Variants in NTSR1 observed in about 807,000 individuals in gnomAD.
NTSR1 encodes neurotensin receptor 1.
A neutral mutation model predicts 31.2 loss-of-function variants in NTSR1; 29 were observed. That is an observed-to-expected ratio of 0.93 (90% confidence interval 0.69 to 1.27). NTSR1 has a LOEUF of 1.27. Ranked by LOEUF, NTSR1 falls within the 50% of genes most tolerant of loss-of-function variation. The pLI is 0.00. For missense variants in NTSR1, 697 were observed against 595.4 expected, an observed-to-expected ratio of 1.17 and a Z score of -1.78; for synonymous variants, 282 against 269.9, an observed-to-expected ratio of 1.04 and a Z score of -0.44.
rs1989613565 is a variant in NTSR1, at chr20:62,761,042, G to C, written c.*775G>C. On this transcript the variant is annotated 3_prime_UTR_variant, in exon 4 of 4. Transcript: ENST00000370501. The stretch of plus-strand genomic sequence containing the variant: ...CTGCCAGGACACCACATGGGAGGGG[G>C]CTCAGGCCTCAGCCTCAAGATCTTC... 6.6e-6 allele frequency: 1 copy of C among 152,358 alleles called. No homozygotes were observed. Among genetic ancestry groups the C allele is most frequent in the Admixed American group, 6.5e-5 (1 of 15,292 alleles). 9.4% of individuals were successfully genotyped at this position (152,358 alleles called of 1,614,324 possible). A position where few individuals can be genotyped will look rare whatever the true frequency, so the allele number is the denominator to read the frequency against.
At position 62,744,900 on chromosome 20, in the gene NTSR1, G is replaced by A. The variant is rs140445667; in HGVS notation, c.715-9785G>A. Among the ~76,000 whole-genome samples, 1 of 152,312 alleles carries A rather than the reference G, an allele frequency of 6.6e-6. No individual in the cohort carries two copies. Among genetic ancestry groups the A allele is most frequent in the East Asian group, 1.9e-4 (1 of 5,188 alleles). On this transcript the variant is annotated intron_variant, in intron 1 of 3. Transcript: ENST00000370501. This position sits in a 1 kb window ranked among gnomAD's most constrained non-coding sequence, Gnocchi z 4.1. ...CAAACGCCATTCCCAGACCCAGACAGGGCTAGGAGGCAAGGGGTAGCAGCT... is the reference window on the plus strand; with the variant it reads ...CAAACGCCATTCCCAGACCCAGACAAGGCTAGGAGGCAAGGGGTAGCAGCT...
chr20:62,739,943 T>A (rs1233238434), intron 1 of NTSR1, among the ~76,000 whole-genome samples: 3 of 152,234 alleles, frequency 2.0e-5, no homozygotes, highest in South Asian at 2.1e-4. Context: ...GAAAGTTAAG[T>A]CGTGCTGGGA....
At chr20:62,712,994 G>A (rs960538412) in intron 1 of NTSR1, among the ~76,000 whole-genome samples, 13 of 152,180 alleles carry the variant, frequency 8.5e-5, no homozygotes, top group African/African-American at 2.9e-4. Flanking sequence ...ACAGTGGCAG[G>A]GGCCTGGGAC....
intron 1 of NTSR1, among the ~76,000 whole-genome samples, chr20:62,710,987 C>A (rs568800005): frequency 1.5e-4 from 23 of 152,202 alleles, no homozygotes; most frequent in Non-Finnish European, 2.6e-4. Context: ...ACACCAGCAT[C>A]GCCAGCCTCC....
chr20:62,744,587 A>AT lies in NTSR1; in HGVS notation c.715-10097dup, dbSNP rs1989264485. Among the ~76,000 whole-genome samples, 1 of 151,308 alleles carries AT rather than the reference A, an allele frequency of 6.6e-6. No individual in the cohort carries two copies. Among genetic ancestry groups the AT allele is most frequent in the Non-Finnish European group, 1.5e-5 (1 of 67,830 alleles). On this transcript the variant is annotated intron_variant, in intron 1 of 3. Coordinates refer to ENST00000370501, the MANE Select transcript of NTSR1 (RefSeq NM_002531.3). The surrounding 1 kb of genome is among the most constrained non-coding windows in gnomAD (Gnocchi z 4.1). ...AAAAAAAATACAAAATTAGCCAGGC[A>AT]TGGTGGCACATGCCTGTAATCCCAG...
chr20:62,719,651 C>T (rs7264749), intron 1 of NTSR1, among the ~76,000 whole-genome samples: 10,437 of 151,952 alleles, frequency 0.069, 731 homozygotes, highest in African/African-American at 0.18. Context: ...TTGACCACTC[C>T]GGGGGCCAAA....
chr20:62,709,609 G>T lies in NTSR1; in HGVS notation c.402G>T (p.Trp134Cys). 6.2e-7 allele frequency: 1 copy of T among 1,611,694 alleles called. No homozygotes were observed. The highest frequency in any genetic ancestry group is 8.5e-7 in the Non-Finnish European group (1 of 1,179,914). Reference protein sequence around the residue: ...LYNFIWVHHPWAFGDAGCRGY... With the variant: ...LYNFIWVHHPCAFGDAGCRGY... Reference sequence around the variant, plus strand: ...ACTTCATCTGGGTGCACCACCCCTGGGCCTTCGGCGACGCCGGCTGCCGCG... The same window carrying T: ...ACTTCATCTGGGTGCACCACCCCTGTGCCTTCGGCGACGCCGGCTGCCGCG... The change falls in exon 1 of 4, where the codon TGG (tryptophan) becomes TGT (cysteine). Residue 134 changes from tryptophan (W) to cysteine (C), a missense_variant. By Grantham distance (215) the Trp-to-Cys change is radical. Coordinates refer to ENST00000370501, the MANE Select transcript of NTSR1 (RefSeq NM_002531.3).
intron 1 of NTSR1, among the ~76,000 whole-genome samples, chr20:62,723,647 A>G (rs1264209380): frequency 6.6e-6 from 1 of 152,018 alleles, no homozygotes; most frequent in Non-Finnish European, 1.5e-5. Flanking sequence ...TCCCATCACC[A>G]CTGCCCTGCC....
chr20:62,715,831 T>C lies in NTSR1; in HGVS notation c.714+5910T>C, dbSNP rs769364474. ...GGCCTCAGGCAGCAGCCCAGGGATC[T>C]CCAGGTCTGTTCTCAGGGGCACTGG... On this transcript the variant is annotated intron_variant, in intron 1 of 3. Transcript: ENST00000370501. This position sits in a 1 kb window ranked among gnomAD's most constrained non-coding sequence, Gnocchi z 4.7. Among the ~76,000 whole-genome samples, 10 of 152,278 alleles carry C rather than the reference T, an allele frequency of 6.6e-5. No homozygotes were observed. The highest frequency in any genetic ancestry group is 1.3e-4 in the Admixed American group (2 of 15,304).
rs75384706 is a variant in NTSR1, at chr20:62,733,346, A to T, written c.715-21339A>T. On this transcript the variant is annotated intron_variant, in intron 1 of 3. Coordinates refer to ENST00000370501, the MANE Select transcript of NTSR1 (RefSeq NM_002531.3). This position sits in a 1 kb window ranked among gnomAD's most constrained non-coding sequence, Gnocchi z 5.2. ...GAATGAAGCTCTTGGTTCCCTCCTGAAGCACTTGGTTGAAGCTTGCTGCGC... is the reference window on the plus strand; with the variant it reads ...GAATGAAGCTCTTGGTTCCCTCCTGTAGCACTTGGTTGAAGCTTGCTGCGC... 5.6e-4 allele frequency among the ~76,000 whole-genome samples: 85 copies of T among 152,244 alleles called. 3 individuals are homozygous for T. In the East Asian group the frequency reaches 0.016, roughly 29 times the overall value.
intron 1 of NTSR1, among the ~76,000 whole-genome samples, chr20:62,736,035 A>G (rs1014957374): frequency 2.0e-5 from 3 of 152,198 alleles, no homozygotes. Context: ...AAATTTGTCA[A>G]TTTTCATCCC....
At position 62,709,792 on chromosome 20, in the gene NTSR1, C is replaced by T. The variant is rs1272879099; in HGVS notation, c.585C>T (p.Ala195=). The T allele has an allele frequency of 6.2e-7, 1 of 1,612,944 alleles. No individual in the cohort carries two copies. Among genetic ancestry groups the T allele is most frequent in the Non-Finnish European group, 8.5e-7 (1 of 1,179,930 alleles). The stretch of plus-strand genomic sequence containing the variant: ...AGTTCATCAGCGCCATCTGGCTCGC[C>T]TCGGCCCTGCTGGCGGTGCCTATGC... ...TKKFISAIWL[A]SALLAVPMLF... The change falls in exon 1 of 4, where the codon GCC becomes GCT. Residue 195 remains alanine (A), a synonymous_variant. Transcript: ENST00000370501.
At chr20:62,753,901 C>T (rs1024943594) in intron 1 of NTSR1, among the ~76,000 whole-genome samples, 2 of 152,234 alleles carry the variant, frequency 1.3e-5, no homozygotes, top group African/African-American at 4.8e-5. Flanking sequence ...GTCACAGCCA[C>T]CCTGCCAGTG....
Position 62,760,340 on chromosome 20 carries a change from C to G in NTSR1, c.*73C>G, listed in dbSNP as rs1600740529. 4.0e-6 allele frequency: 6 copies of G among 1,515,488 alleles called. No homozygotes were observed. Among genetic ancestry groups the G allele is most frequent in the East Asian group, 2.3e-5 (1 of 43,596 alleles). The allele number at this position is 1,515,488 out of a possible 1,614,324, so 93.9% of individuals were successfully genotyped here. On this transcript the variant is annotated 3_prime_UTR_variant, in exon 4 of 4. Coordinates refer to ENST00000370501, the MANE Select transcript of NTSR1 (RefSeq NM_002531.3). ...TGCCCCCGACAGACAGAGCAGCCCC[C>G]ACCCGGGAGCCTTGATGGGGGTCAG...
At chr20:62,731,111 T>C (rs1389646329) in intron 1 of NTSR1, among the ~76,000 whole-genome samples, 2 of 152,118 alleles carry the variant, frequency 1.3e-5, no homozygotes, top group Non-Finnish European at 2.9e-5. Context: ...TGAGACGGAG[T>C]TTCGCTCTTG....
At chr20:62,748,036 G>A (rs563807564) in intron 1 of NTSR1, among the ~76,000 whole-genome samples, 7 of 152,192 alleles carry the variant, frequency 4.6e-5, no homozygotes, top group African/African-American at 1.2e-4. Flanking sequence ...TTAGCTGGGC[G>A]TGGTGGTGTG....
In NTSR1 at chr20:62,709,306, G is replaced by C. The variant is rs1361426245; in HGVS notation, c.99G>C (p.Pro33=). 5 of 1,602,560 alleles carry C rather than the reference G, an allele frequency of 3.1e-6. No individual in the cohort carries two copies. Among genetic ancestry groups the C allele is most frequent in the Non-Finnish European group, 3.4e-6 (4 of 1,176,824 alleles). The change falls in exon 1 of 4, where the codon CCG becomes CCC. Residue 33 remains proline (P), a synonymous_variant. Transcript: ENST00000370501. ...QAGLEEALLA[P]GFGNASGNAS... Reference sequence around the variant, plus strand: ...GACTGGAGGAGGCGCTGCTGGCCCCGGGCTTCGGCAACGCTTCGGGCAACG... The same window carrying C: ...GACTGGAGGAGGCGCTGCTGGCCCCCGGCTTCGGCAACGCTTCGGGCAACG...
rs1281295594 is a variant in NTSR1, at chr20:62,754,740, C to G, written c.770C>G (p.Thr257Ser). Residue 257 changes from threonine (T) to serine (S), a missense_variant, in exon 2 of 4, where the codon ACC (threonine) becomes AGC (serine). Coordinates refer to ENST00000370501, the MANE Select transcript of NTSR1 (RefSeq NM_002531.3). ...ATGGTGGTCATCTCGGTCCTGAACA[C>G]CATCATCGCCAACAAGCTGACCGTC... ...FPMVVISVLN[T>S]IIANKLTVMV... 4.3e-6 allele frequency: 7 copies of G among 1,612,842 alleles called. No homozygotes were observed. The highest frequency in any genetic ancestry group is 5.9e-6 in the Non-Finnish European group (7 of 1,179,814).
At chr20:62,718,906 A>T (rs1988782266) in intron 1 of NTSR1, among the ~76,000 whole-genome samples, 1 of 152,210 alleles carries the variant, frequency 6.6e-6, no homozygotes, top group African/African-American at 2.4e-5. Context: ...TTGCTGGGTC[A>T]TACAGAAAGT....
Sources: gnomAD v4.1 joint callset for allele counts (sites outside exome capture counted in the v4.1 genomes callset) on GRCh38, gnomAD v4.1.1 for gene constraint, Gnocchi (gnomAD v3.1) non-coding constraint, MANE v1.5 for transcripts, NCBI Gene and HGNC (gene_info 2026-07-23, HGNC 2026-07-21) for gene names.